Variants in ATAD3A observed in about 807,000 individuals in gnomAD.
ATAD3A encodes the protein ATPase family AAA domain containing 3A.
Under a neutral mutation model 73.8 loss-of-function variants are expected in ATAD3A, and 46 were observed. That is an observed-to-expected ratio of 0.62 (90% confidence interval 0.49 to 0.80). The LOEUF (loss-of-function observed/expected upper bound fraction) is 0.80, where lower values mean the gene tolerates loss of function less well. ATAD3A is among the 30% of genes least tolerant of loss of function. The pLI, the probability that ATAD3A is intolerant of heterozygous loss-of-function variation, is 0.00. For missense variants in ATAD3A, 705 were observed against 838.0 expected, an observed-to-expected ratio of 0.84 and a Z score of 1.96; for synonymous variants, 319 against 350.0, an observed-to-expected ratio of 0.91 and a Z score of 0.99.
Position 1,520,492 on chromosome 1 carries a change from G to A in ATAD3A, c.681-56G>A, listed in dbSNP as rs113751252. 14 of 1,613,878 alleles carry A rather than the reference G, an allele frequency of 8.7e-6. No individual in the cohort carries two copies. The highest frequency in any genetic ancestry group is 5.5e-5 in the South Asian group (5 of 91,080). On this transcript the variant is annotated intron_variant, in intron 6 of 15. Coordinates refer to ENST00000378756, the MANE Select transcript of ATAD3A (RefSeq NM_001170535.3). This position sits in a 1 kb window ranked among gnomAD's most constrained non-coding sequence, Gnocchi z 4.0. ...AGGGCCTCACCCTCAACCTGCTCTC[G>A]CTGCGTGGCACGGATCTTCGTGTCC...
chr1:1,518,352 C>T (rs967392328), intron 4 of ATAD3A, among the ~76,000 whole-genome samples: 1 of 141,342 alleles, frequency 7.1e-6, no homozygotes, highest in African/African-American at 2.6e-5. Context: ...CGCACTCGGG[C>T]ACACACACAG....
In ATAD3A at chr1:1,513,980, A is replaced by G. The variant is rs551896698; in HGVS notation, c.205+1507A>G. Among the ~76,000 whole-genome samples the G allele has an allele frequency of 1.7e-3, 263 of 152,022 alleles. 1 individual carries two copies. The Middle Eastern group carries it at 0.024, about 14-fold the overall frequency. On this transcript the variant is annotated intron_variant, in intron 1 of 15. Transcript: ENST00000378756. ...CTGTCCTTGGAAGTCACAGCAGTAC[A>G]TTATCCCAGAACTGTCTGTGAGCAC...
chr1:1,529,431 C>A (rs1641961047), intron 15 of ATAD3A, 100 bp downstream of exon 15: 1 of 1,489,860 alleles, frequency 6.7e-7, no homozygotes, highest in African/African-American at 1.4e-5. Flanking sequence ...CACGCGGGAG[C>A]TTCTGTTGAG....
chr1:1,527,881 C>T lies in ATAD3A; in HGVS notation c.1505+19C>T, dbSNP rs778852442. ...GAAAGCAGTAAGTGTCCCGCCCCAC[C>T]AGCCCCCGTCCAGGGGCCCTCGCTC... On this transcript the variant is annotated intron_variant, in intron 14 of 15. Coordinates refer to ENST00000378756, the MANE Select transcript of ATAD3A (RefSeq NM_001170535.3). 2 of 1,606,770 alleles carry T rather than the reference C, an allele frequency of 1.2e-6. No homozygotes were observed. The highest frequency in any genetic ancestry group is 8.5e-7 in the Non-Finnish European group (1 of 1,175,634).
rs766323501 is a variant in ATAD3A, at chr1:1,520,203, G to T, written c.577G>T (p.Ala193Ser). The change falls in exon 6 of 16, where the codon GCC becomes TCC. Residue 193 changes from alanine to serine, a missense_variant. Transcript: ENST00000378756. The surrounding 1 kb of genome is among the most constrained non-coding windows in gnomAD (Gnocchi z 4.0). ...KNEMLRVEAE[A>S]RARAKAEREN... ...TGAGATGCTGCGAGTGGAGGCCGAGGCCCGGGCGCGCGCCAAGGCCGAGCG... is the reference window on the plus strand; with the variant it reads ...TGAGATGCTGCGAGTGGAGGCCGAGTCCCGGGCGCGCGCCAAGGCCGAGCG... 1 of 1,612,014 alleles carries T rather than the reference G, an allele frequency of 6.2e-7. No individual in the cohort carries two copies. Among genetic ancestry groups the T allele is most frequent in the South Asian group, 1.1e-5 (1 of 91,008 alleles).
chr1:1,527,314 T>C, intron 13 of ATAD3A: 2 of 1,139,354 alleles, frequency 1.8e-6, no homozygotes, highest in Non-Finnish European at 2.3e-6. Context: ...GGGGCCCTGC[T>C]GAGCCTCCAG....
rs368727135 is a variant in ATAD3A, at chr1:1,529,425, C to T, written c.1614+94C>T. 3.3e-4 allele frequency: 496 copies of T among 1,493,314 alleles called. 3 individuals carry two copies. The highest frequency in any genetic ancestry group is 2.0e-4 in the Middle Eastern group (1 of 5,040). The allele number at this position is 1,493,314 out of a possible 1,614,324, so 92.5% of individuals were successfully genotyped here. On this transcript the variant is annotated intron_variant, in intron 15 of 15. Coordinates refer to ENST00000378756, the MANE Select transcript of ATAD3A (RefSeq NM_001170535.3). ...GGCCTGTCCCAGCACCGGTGTCACG[C>T]GGGAGCTTCTGTTGAGGGGTTTTCA...
chr1:1,519,927 G>A (rs1208773782), intron 5 of ATAD3A, among the ~76,000 whole-genome samples: 2 of 152,226 alleles, frequency 1.3e-5, no homozygotes, highest in South Asian at 2.1e-4. Context: ...TATTGGCGGC[G>A]TGGGCCTGTC....
chr1:1,534,413 A>G lies in ATAD3A; in HGVS notation c.*341A>G, dbSNP rs1181973527. ...TGGGTGCTGGCTGAGCCCCCGGGGC[A>G]GCAGGAGCCAGGCAGGTGATGTCTT... On this transcript the variant is annotated 3_prime_UTR_variant, in exon 16 of 16. Coordinates refer to ENST00000378756, the MANE Select transcript of ATAD3A (RefSeq NM_001170535.3). The G allele has an allele frequency of 3.1e-6, 4 of 1,300,708 alleles. No individual in the cohort carries two copies. The highest frequency in any genetic ancestry group is 3.9e-6 in the Non-Finnish European group (4 of 1,016,886). The allele number at this position is 1,300,708 out of a possible 1,614,324, so 80.6% of individuals were successfully genotyped here.
chr1:1,533,593 G>A (rs1345224568), intron 15 of ATAD3A, among the ~76,000 whole-genome samples: 2 of 152,204 alleles, frequency 1.3e-5, no homozygotes, highest in Non-Finnish European at 2.9e-5. Context: ...CCTGGCCACG[G>A]CTGAGACTCG....
intron 5 of ATAD3A, among the ~76,000 whole-genome samples, chr1:1,519,788 C>T (rs1005357085): frequency 3.3e-5 from 5 of 151,536 alleles, no homozygotes; most frequent in African/African-American, 1.2e-4. Context: ...TCAAAGAGCT[C>T]GTCCTGAGAA....
intron 13 of ATAD3A, 49 bp downstream of exon 13, chr1:1,526,580 G>T: frequency 6.2e-7 from 1 of 1,611,242 alleles, no homozygotes; most frequent in Non-Finnish European, 8.5e-7. Flanking sequence ...CTGTGCAGCC[G>T]TCGCCCTTGG....
chr1:1,517,291 G>A lies in ATAD3A; in HGVS notation c.283-20G>A. 1 of 1,547,352 alleles carries A rather than the reference G, an allele frequency of 6.5e-7. No homozygotes were observed. The highest frequency in any genetic ancestry group is 1.2e-5 in the South Asian group (1 of 83,408). ...GCCAGCCCTGAGCAAGTGCCAGCTG[G>A]TGAGTGCTGTGCTCTGCAGGAGTAT... On this transcript the variant is annotated intron_variant, in intron 2 of 15. Transcript: ENST00000378756.
At chr1:1,532,897 C>T (rs1054369372) in intron 15 of ATAD3A, among the ~76,000 whole-genome samples, 6 of 152,016 alleles carry the variant, frequency 3.9e-5, no homozygotes, top group African/African-American at 9.7e-5. Context: ...GGCCCCTGAC[C>T]CACAGTGGCG....
rs1382184368 is a variant in ATAD3A, at chr1:1,512,469, C to T, written c.201C>T (p.His67=). The change falls in exon 1 of 16, where the codon CAC becomes CAT. Residue 67 remains histidine, a synonymous_variant. Transcript: ENST00000378756. ...CCAAGGCGGCGCGCGAGCTGGAGCA[C>T]TCGCGTGAGTGCGGCGGGGCGGGGC... ...RAAKAARELE[H]SRYAKDALNL... is the part of the protein sequence containing the mutation. 6 of 1,210,154 alleles carry T rather than the reference C, an allele frequency of 5.0e-6. No individual in the cohort carries two copies. The highest frequency in any genetic ancestry group is 5.1e-6 in the Non-Finnish European group (5 of 973,274). 75.0% of individuals were successfully genotyped at this position (1,210,154 alleles called of 1,614,324 possible). A position where few individuals can be genotyped will look rare whatever the true frequency, so the allele number is the denominator to read the frequency against.
chr1:1,516,182 G>C (rs1056827765), intron 2 of ATAD3A, 94 bp downstream of exon 2: 52 of 1,573,100 alleles, frequency 3.3e-5, no homozygotes, highest in Non-Finnish European at 3.7e-5. Flanking sequence ...AGGGCCGGGG[G>C]TGTGTACATG....
intron 15 of ATAD3A, among the ~76,000 whole-genome samples, 157 bp from the exon 16 acceptor site, chr1:1,533,769 A>G (rs1038346270): frequency 3.3e-5 from 5 of 151,418 alleles, no homozygotes; most frequent in Non-Finnish European, 1.5e-5. Context: ...GTGTCCACAC[A>G]CGTGCTGGGC....
chr1:1,517,992 T>G (rs1460397799), intron 4 of ATAD3A, among the ~76,000 whole-genome samples: 2 of 151,706 alleles, frequency 1.3e-5, no homozygotes, highest in African/African-American at 4.9e-5. Context: ...CACAGGCACC[T>G]ACCCACACGG....
intron 1 of ATAD3A, among the ~76,000 whole-genome samples, chr1:1,514,943 G>A (rs1641308370): frequency 6.6e-6 from 1 of 152,252 alleles, no homozygotes; most frequent in East Asian, 1.9e-4. Flanking sequence ...GTGCAACCTC[G>A]GTTCATCGCA....
Sources: allele counts gnomAD v4.1 joint callset (sites outside exome capture counted in the v4.1 genomes callset), GRCh38; gene constraint gnomAD v4.1.1; non-coding constraint Gnocchi (gnomAD v3.1); transcripts MANE v1.5; gene names NCBI Gene and HGNC (gene_info 2026-07-23, HGNC 2026-07-21).